Variants in GRID2 observed in about 807,000 individuals in gnomAD.
The protein encoded by GRID2 is glutamate ionotropic receptor delta type subunit 2.
A neutral mutation model predicts 114.8 loss-of-function variants in GRID2; 33 were observed. The observed-to-expected ratio is 0.29, with a 90% CI of 0.22 to 0.38. The LOEUF (loss-of-function observed/expected upper bound fraction) is 0.38, where lower values mean the gene tolerates loss of function less well. Among genes scored for constraint, GRID2 ranks in the 10% least tolerant of loss-of-function variants. GRID2 has a pLI of 1.00. For missense variants in GRID2, 1,184 were observed against 1,257.7 expected, an observed-to-expected ratio of 0.94 and a Z score of 0.89; for synonymous variants, 505 against 449.9, an observed-to-expected ratio of 1.12 and a Z score of -1.55.
At chr4:92,340,298 A>C (rs1276367451) in intron 1 of GRID2, among the ~76,000 whole-genome samples, 1 of 152,176 alleles carries the variant, frequency 6.6e-6, no homozygotes, top group South Asian at 2.1e-4. Context: ...ACGAGGTCTT[A>C]TTCCTGCTCA....
chr4:92,473,244 T>C (rs1722130377), intron 1 of GRID2, among the ~76,000 whole-genome samples: 1 of 152,132 alleles, frequency 6.6e-6, no homozygotes, highest in Non-Finnish European at 1.5e-5. Flanking sequence ...TCTACTTTAT[T>C]GCTTTATTTG....
At chr4:92,554,695 G>T (rs1726765154) in intron 1 of GRID2, among the ~76,000 whole-genome samples, 1 of 152,140 alleles carries the variant, frequency 6.6e-6, no homozygotes, top group African/African-American at 2.4e-5. Flanking sequence ...TTTCCAAAAA[G>T]AGATTATTAT....
At chr4:92,658,499 A>G (rs1466055549) in intron 2 of GRID2, among the ~76,000 whole-genome samples, 1 of 151,768 alleles carries the variant, frequency 6.6e-6, no homozygotes, top group African/African-American at 2.4e-5. Context: ...TGGCCCAGAC[A>G]GCATTTGTGT....
intron 2 of GRID2, among the ~76,000 whole-genome samples, chr4:92,640,756 G>A (rs1731302481): frequency 6.6e-6 from 1 of 151,776 alleles, no homozygotes; most frequent in South Asian, 2.1e-4. Context: ...TATATAAAAT[G>A]AGGGATTAGA....
chr4:92,427,738 A>G (rs1283304500), intron 1 of GRID2, among the ~76,000 whole-genome samples: 2 of 152,044 alleles, frequency 1.3e-5, no homozygotes, highest in Non-Finnish European at 2.9e-5. Context: ...GTTTAATTAA[A>G]TGAATATAAT....
In GRID2 at chr4:93,724,636, A is replaced by T. The variant is rs1296569199; in HGVS notation, c.2361-44574A>T. Among the ~76,000 whole-genome samples, 3 of 152,260 alleles carry T rather than the reference A, an allele frequency of 2.0e-5. No individual in the cohort carries two copies. In the Middle Eastern group the frequency reaches 0.01, roughly 521 times the overall value. On this transcript the variant is annotated intron_variant, in intron 14 of 15. Coordinates refer to ENST00000282020, the MANE Select transcript of GRID2 (RefSeq NM_001510.4). Reference sequence around the variant, plus strand: ...GAAAAGAGACGCTACATGAGTGCCCATATGAAGGTGATTAAAGGGAGAAAA... The same window carrying T: ...GAAAAGAGACGCTACATGAGTGCCCTTATGAAGGTGATTAAAGGGAGAAAA...
At chr4:93,557,429 G>A (rs1734431375) in intron 13 of GRID2, among the ~76,000 whole-genome samples, 1 of 152,142 alleles carries the variant, frequency 6.6e-6, no homozygotes. Context: ...GAAAGCAGGG[G>A]TTGCAGCCCT....
intron 13 of GRID2, among the ~76,000 whole-genome samples, chr4:93,592,150 G>C (rs1300123487): frequency 1.3e-5 from 2 of 151,932 alleles, no homozygotes; most frequent in Non-Finnish European, 2.9e-5. Flanking sequence ...TGTGATGTTA[G>C]GGTGTCAATT....
chr4:93,796,305 A>G (rs892036960), intron 1 of GRID2, among the ~76,000 whole-genome samples: 3 of 152,180 alleles, frequency 2.0e-5, no homozygotes, highest in Non-Finnish European at 4.4e-5. Context: ...CACGCAAAGA[A>G]GGAGGATTAT....
chr4:92,437,796 G>A (rs764882755), intron 1 of GRID2, among the ~76,000 whole-genome samples: 1 of 152,086 alleles, frequency 6.6e-6, no homozygotes, highest in Non-Finnish European at 1.5e-5. Flanking sequence ...CCAATAAATT[G>A]GATTGCTTCG....
intron 2 of GRID2, among the ~76,000 whole-genome samples, chr4:93,025,107 AAG>A (rs1264186474): frequency 6.6e-6 from 1 of 151,292 alleles, no homozygotes; most frequent in Non-Finnish European, 1.5e-5. Context: ...AAAGTAAAGA[AAG>A]AGGAGGGAGG....
At chr4:92,774,119 G>A (rs185025784) in intron 2 of GRID2, among the ~76,000 whole-genome samples, 14 of 152,204 alleles carry the variant, frequency 9.2e-5, no homozygotes, top group Admixed American at 3.9e-4. Context: ...TAAGTGATCT[G>A]GATCCAGCCC....
intron 8 of GRID2, among the ~76,000 whole-genome samples, chr4:93,290,298 G>A (rs1753599257): frequency 6.6e-6 from 1 of 152,072 alleles, no homozygotes; most frequent in Admixed American, 6.5e-5. Context: ...AGTGTGTTTG[G>A]GGTAGAAAGA....
At chr4:93,068,285 G>A (rs763190535) in intron 2 of GRID2, among the ~76,000 whole-genome samples, 1 of 151,946 alleles carries the variant, frequency 6.6e-6, no homozygotes, top group Non-Finnish European at 1.5e-5. Flanking sequence ...AAAACCTTAC[G>A]AGGCAAGCAG....
At chr4:92,903,437 A>G (rs967006853) in intron 2 of GRID2, among the ~76,000 whole-genome samples, 3 of 151,984 alleles carry the variant, frequency 2.0e-5, no homozygotes, top group Non-Finnish European at 4.4e-5. Context: ...ACTTAATCTT[A>G]GCAAAGGATT....
At position 93,085,268 on chromosome 4, in the gene GRID2, A is replaced by T; in HGVS notation, c.518A>T (p.Asp173Val). The T allele has an allele frequency of 6.2e-7, 1 of 1,610,964 alleles. No homozygotes were observed. The highest frequency in any genetic ancestry group is 2.2e-5 in the East Asian group (1 of 44,866). ...TGGCAGAAATTCATTATATTCTATG[A>T]TAGTGAATACGGTAAGTGTTTATAA... ...YAWQKFIIFY[D>V]SEYDIRGIQE... is the part of the protein sequence containing the mutation. Residue 173 changes from aspartate (D) to valine (V), a missense_variant, in exon 3 of 16, where the codon GAT (aspartate) becomes GTT (valine). This residue lies in a region of GRID2 where 455 missense variants were observed against 429.5 expected (regional missense o/e 1.06). Transcript: ENST00000282020.
At chr4:93,535,036 G>C (rs1583458) in intron 13 of GRID2, among the ~76,000 whole-genome samples, 20,903 of 151,492 alleles carry the variant, frequency 0.14, 2,807 homozygotes, top group African/African-American at 0.36. Flanking sequence ...TCCACCCCAG[G>C]CTCTGGTAAC....
At chr4:93,507,967 A>G (rs1423477120) in intron 12 of GRID2, among the ~76,000 whole-genome samples, 1 of 151,788 alleles carries the variant, frequency 6.6e-6, no homozygotes, top group Non-Finnish European at 1.5e-5. Context: ...ATGAGAACAC[A>G]TGGACACAGG....
chr4:92,428,442 T>C (rs1732265502), intron 1 of GRID2, among the ~76,000 whole-genome samples: 1 of 152,110 alleles, frequency 6.6e-6, no homozygotes, highest in African/African-American at 2.4e-5. Flanking sequence ...TTACAGTTTC[T>C]AAATTTTCAG....
Sources: gnomAD v4.1 joint callset for allele counts (sites outside exome capture counted in the v4.1 genomes callset) on GRCh38, gnomAD v4.1.1 for gene constraint, gnomAD v4.1.1 regional missense constraint, MANE v1.5 for transcripts, NCBI Gene and HGNC (gene_info 2026-07-23, HGNC 2026-07-21) for gene names.